LNX1: variants seen among roughly 807,000 people sequenced by gnomAD.
The protein encoded by LNX1 is ligand of numb-protein X 1, also known as E3 ubiquitin-protein ligase LNX.
A neutral mutation model predicts 68.4 loss-of-function variants in LNX1; 54 were observed. That is an observed-to-expected ratio of 0.79 (90% CI 0.63 to 0.99). The LOEUF (loss-of-function observed/expected upper bound fraction) is 0.99. Ranked by LOEUF, LNX1 falls within the 50% of genes least tolerant of loss-of-function variation. LNX1 has a pLI of 0.00. For synonymous variants in LNX1, 336 were observed against 350.0 expected (o/e 0.96, Z 0.45); for missense variants, 906 against 926.4 (o/e 0.98, Z 0.29).
intron 1 of LNX1, among the ~76,000 whole-genome samples, chr4:53,630,575 G>T (rs531087893): frequency 6.6e-6 from 1 of 152,236 alleles, no homozygotes; most frequent in South Asian, 2.1e-4. Flanking sequence ...GTTCCTAAGT[G>T]CAAGAAGGCT....
At position 53,570,481 on chromosome 4, in the gene LNX1, A is replaced by G. The variant is rs1332834070; in HGVS notation, c.380+3142T>C. 1.4e-4 allele frequency among the ~76,000 whole-genome samples: 17 copies of G among 120,970 alleles called. No individual in the cohort carries two copies. In the Admixed American group the frequency reaches 1.4e-3, roughly 10 times the overall value. 79.4% of individuals were successfully genotyped at this position (120,970 alleles called of 152,430 possible). On this transcript the variant is annotated intron_variant, in intron 2 of 10. Coordinates refer to ENST00000263925, the MANE Select transcript of LNX1 (RefSeq NM_001126328.3). ...TTGAACAATGAGATCACATGGACAC[A>G]GGAAGGGGAACATCACACTCTGGGG...
chr4:53,566,041 T>C (rs1157710528), intron 2 of LNX1, among the ~76,000 whole-genome samples: 5 of 150,992 alleles, frequency 3.3e-5, no homozygotes, highest in Non-Finnish European at 6.0e-5. Context: ...CTGAAAGTGA[T>C]GGGGAGAATG....
intron 2 of LNX1, among the ~76,000 whole-genome samples, chr4:53,608,224 A>G (rs529324564): frequency 1.3e-5 from 2 of 152,340 alleles, no homozygotes; most frequent in East Asian, 3.9e-4. Flanking sequence ...TGCATCCTAC[A>G]AATGTCTAAT....
intron 4 of LNX1, among the ~76,000 whole-genome samples, chr4:53,499,348 G>A (rs1487376294): frequency 1.3e-5 from 2 of 151,986 alleles, no homozygotes; most frequent in South Asian, 2.1e-4. Flanking sequence ...TTGTGGAGAC[G>A]GAGTTTTGTC....
At chr4:53,526,484 C>G (rs954666474) in intron 2 of LNX1, among the ~76,000 whole-genome samples, 1 of 151,996 alleles carries the variant, frequency 6.6e-6, no homozygotes, top group Non-Finnish European at 1.5e-5. Flanking sequence ...CAATGAAAAC[C>G]CTTGGCCAAG....
chr4:53,539,628 C>T (rs1417889723), intron 2 of LNX1, among the ~76,000 whole-genome samples: 1 of 152,274 alleles, frequency 6.6e-6, no homozygotes, highest in Non-Finnish European at 1.5e-5. Flanking sequence ...AATGTGAGCA[C>T]ATGATTCATA....
At chr4:53,570,890 G>C (rs1386301442) in intron 2 of LNX1, among the ~76,000 whole-genome samples, 1 of 151,838 alleles carries the variant, frequency 6.6e-6, no homozygotes, top group African/African-American at 2.4e-5. Flanking sequence ...AGCTGTGCGT[G>C]GTGGTGGGCA....
chr4:53,605,423 T>C (rs1733188005), intron 2 of LNX1, among the ~76,000 whole-genome samples: 1 of 152,066 alleles, frequency 6.6e-6, no homozygotes, highest in African/African-American at 2.4e-5. Context: ...ACCTTGTGTA[T>C]GCGTGTATGG....
intron 2 of LNX1, among the ~76,000 whole-genome samples, chr4:53,512,508 G>GTGTGTGTGTGTGTGTGTGTGTGTA (rs371399015): frequency 4.0e-5 from 6 of 149,282 alleles, no homozygotes; most frequent in African/African-American, 1.5e-4. Context: ...GTGTGTGTGT[G>GTGTGTGTGTGTGTGTGTGTGTGTA]TGTGTGTGTG....
intron 2 of LNX1, among the ~76,000 whole-genome samples, chr4:53,512,153 T>C (rs1343172540): frequency 1.3e-5 from 2 of 152,210 alleles, no homozygotes; most frequent in African/African-American, 4.8e-5. Flanking sequence ...TGAGCAGTGC[T>C]GCTTGACTTA....
At chr4:53,491,149 C>T (rs1376755067) in intron 6 of LNX1, among the ~76,000 whole-genome samples, 3 of 151,814 alleles carry the variant, frequency 2.0e-5, no homozygotes, top group South Asian at 4.1e-4. Context: ...TTGCTTATTG[C>T]GAAGTATAGT....
intron 1 of LNX1, among the ~76,000 whole-genome samples, chr4:53,633,407 C>A (rs376044170): frequency 6.6e-6 from 1 of 152,258 alleles, no homozygotes; most frequent in Non-Finnish European, 1.5e-5. Flanking sequence ...TGCTTCTTCC[C>A]AGGATTTCTT....
At chr4:53,520,034 T>C (rs1727097461) in intron 2 of LNX1, among the ~76,000 whole-genome samples, 1 of 152,204 alleles carries the variant, frequency 6.6e-6, no homozygotes, top group Non-Finnish European at 1.5e-5. Flanking sequence ...ACACTGCATC[T>C]TTTTCCTTTG....
At chr4:53,598,516 A>G (rs1732857924) in intron 2 of LNX1, among the ~76,000 whole-genome samples, 1 of 152,194 alleles carries the variant, frequency 6.6e-6, no homozygotes. Context: ...TAGAGGTGTG[A>G]GCCACTGCAC....
At chr4:53,560,240 A>G (rs1300560988) in intron 2 of LNX1, among the ~76,000 whole-genome samples, 1 of 152,160 alleles carries the variant, frequency 6.6e-6, no homozygotes, top group Non-Finnish European at 1.5e-5. Flanking sequence ...TGTATTTCTG[A>G]CGATCTTGGA....
intron 2 of LNX1, among the ~76,000 whole-genome samples, chr4:53,527,752 C>G (rs1404767179): frequency 6.6e-6 from 1 of 152,158 alleles, no homozygotes; most frequent in Non-Finnish European, 1.5e-5. Context: ...CAGTGAGCCT[C>G]AGCAGGGGAA....
chr4:53,583,085 A>G (rs2109802443), intron 1 of LNX1, among the ~76,000 whole-genome samples: 1 of 152,338 alleles, frequency 6.6e-6, no homozygotes, highest in Non-Finnish European at 1.5e-5. Flanking sequence ...TAAATGTACA[A>G]TTACATTTTA....
chr4:53,534,677 G>A (rs971759317), intron 2 of LNX1, among the ~76,000 whole-genome samples: 2 of 152,106 alleles, frequency 1.3e-5, no homozygotes, highest in African/African-American at 4.8e-5. Flanking sequence ...CTGTATTTTG[G>A]TCACTTGGCG....
intron 2 of LNX1, among the ~76,000 whole-genome samples, chr4:53,538,218 G>T (rs1728510315): frequency 6.6e-6 from 1 of 152,232 alleles, no homozygotes; most frequent in Non-Finnish European, 1.5e-5. Flanking sequence ...TGCTCCTGTG[G>T]TTGGGACACC....
Sources: allele counts gnomAD v4.1 joint callset (sites outside exome capture counted in the v4.1 genomes callset), GRCh38; gene constraint gnomAD v4.1.1; transcripts MANE v1.5; gene names NCBI Gene and HGNC (gene_info 2026-07-23, HGNC 2026-07-21).